The following MMP24 variants were observed in gnomAD, a reference collection of about 807,000 sequenced individuals.
The protein encoded by MMP24 is matrix metalloproteinase-24.
Under a neutral mutation model 62.8 loss-of-function variants are expected in MMP24, and 25 were observed. That is an observed-to-expected ratio of 0.40 (90% confidence interval 0.29 to 0.56). MMP24 has a LOEUF of 0.56. Ranked by LOEUF, MMP24 falls within the 20% of genes least tolerant of loss-of-function variation. The probability of loss-of-function intolerance (pLI) is 0.50; values close to 1 mark genes in which losing one functional copy is unlikely to be tolerated. For synonymous variants in MMP24, 319 were observed against 350.5 expected (o/e 0.91, Z 1.00); for missense variants, 634 against 853.6 (o/e 0.74, Z 3.21).
intron 1 of MMP24, among the ~76,000 whole-genome samples, chr20:35,230,786 T>C (rs955437495): frequency 1.3e-5 from 2 of 152,262 alleles, no homozygotes; most frequent in African/African-American, 4.8e-5. Flanking sequence ...TGATAGTAGA[T>C]GATTCGGAAC....
chr20:35,267,231 A>T lies in MMP24; in HGVS notation c.1006A>T (p.Thr336Ser). ...YGPPAEPLEP[T>S]RPLPTLPVRR... ...ACCCCCAGCCGAGCCTCTGGAGCCCACAAGGCCACTCCCTACACTCCCCGT... is the reference window on the plus strand; with the variant it reads ...ACCCCCAGCCGAGCCTCTGGAGCCCTCAAGGCCACTCCCTACACTCCCCGT... Residue 336 changes from threonine to serine, a missense_variant, in exon 6 of 9, where the codon ACA (threonine) becomes TCA (serine). Thr to Ser is a moderately conservative substitution (Grantham distance 58). Coordinates refer to ENST00000246186, the MANE Select transcript of MMP24 (RefSeq NM_006690.4). 6.2e-7 allele frequency: 1 copy of T among 1,602,586 alleles called. No homozygotes were observed. The highest frequency in any genetic ancestry group is 8.5e-7 in the Non-Finnish European group (1 of 1,175,174).
intron 1 of MMP24, among the ~76,000 whole-genome samples, chr20:35,238,854 T>C (rs558950534): frequency 6.6e-6 from 1 of 152,310 alleles, no homozygotes; most frequent in African/African-American, 2.4e-5. Flanking sequence ...GTTCTTCCAC[T>C]AGACCATAAC....
chr20:35,261,411 T>C (rs982816451), intron 4 of MMP24, among the ~76,000 whole-genome samples: 3 of 152,110 alleles, frequency 2.0e-5, no homozygotes, highest in Non-Finnish European at 4.4e-5. Flanking sequence ...CCCGGTGAGG[T>C]AGGTCTGATG....
chr20:35,267,723 G>A (rs75124668), intron 6 of MMP24, among the ~76,000 whole-genome samples: 3,063 of 152,270 alleles, frequency 0.02, 94 homozygotes, highest in African/African-American at 0.07. Flanking sequence ...TTCTCCATCC[G>A]AAACCTGGGG....
At chr20:35,270,782 G>A (rs1276734258) in intron 7 of MMP24, among the ~76,000 whole-genome samples, 9 of 152,192 alleles carry the variant, frequency 5.9e-5, no homozygotes, top group South Asian at 2.1e-4. Flanking sequence ...GCTCACGCCC[G>A]AAATCCCAGC....
intron 3 of MMP24, among the ~76,000 whole-genome samples, chr20:35,253,270 C>CTTTTTTTTTTTAT: frequency 1.3e-5 from 1 of 79,078 alleles, no homozygotes; most frequent in South Asian, 4.2e-4. Context: ...CAGAACGGGA[C>CTTTTTTTTTTTAT]TTTTTTTTTT....
At position 35,232,447 on chromosome 20, in the gene MMP24, G is replaced by A. The variant is rs141551262; in HGVS notation, c.246+5463G>A. 2.5e-3 allele frequency among the ~76,000 whole-genome samples: 379 copies of A among 152,264 alleles called. 1 individual carries two copies. Among genetic ancestry groups the A allele is most frequent in the African/African-American group, 8.8e-3 (367 of 41,552 alleles). On this transcript the variant is annotated intron_variant, in intron 1 of 8. Coordinates refer to ENST00000246186, the MANE Select transcript of MMP24 (RefSeq NM_006690.4). ...GAATAGTGCTTGGCACACAAAAGTC[G>A]CTACCTTTTGTGAAGAATAAATGAA...
rs2060652980 is a variant in MMP24 at position 35,269,037 on chromosome 20, A to AG, written c.1195-723_1195-722insG. ...GCGAGACTCCATCTAAAAAAAAAAA[A>AG]AAAGAAAGAAAACTGAGGCCTGGAG... On this transcript the variant is annotated intron_variant, in intron 6 of 8. Coordinates refer to ENST00000246186, the MANE Select transcript of MMP24 (RefSeq NM_006690.4). This position sits in a 1 kb window ranked among gnomAD's most constrained non-coding sequence, Gnocchi z 4.6. 6.6e-6 allele frequency among the ~76,000 whole-genome samples: 1 copy of AG among 151,790 alleles called. No individual in the cohort carries two copies. Among genetic ancestry groups the AG allele is most frequent in the African/African-American group, 2.4e-5 (1 of 41,302 alleles).
chr20:35,274,242 G>A lies in MMP24; in HGVS notation c.1601-30G>A, dbSNP rs1182155063. The A allele has an allele frequency of 6.4e-7, 1 of 1,569,190 alleles. No individual in the cohort carries two copies. The highest frequency in any genetic ancestry group is 8.6e-7 in the Non-Finnish European group (1 of 1,157,438). On this transcript the variant is annotated intron_variant, in intron 8 of 8. Coordinates refer to ENST00000246186, the MANE Select transcript of MMP24 (RefSeq NM_006690.4). The surrounding 1 kb of genome is among the most constrained non-coding windows in gnomAD (Gnocchi z 5.1). The stretch of plus-strand genomic sequence containing the variant: ...CAGAGCAGGTGCCGGAAGTGTCTGG[G>A]AGTGGTGATGCTGGGCTGTATTTCT...
intron 2 of MMP24, among the ~76,000 whole-genome samples, chr20:35,248,164 G>A (rs989285935): frequency 2.0e-5 from 3 of 152,030 alleles, no homozygotes; most frequent in African/African-American, 7.2e-5. Flanking sequence ...GTGGGGGGAG[G>A]AACAGGAAAT....
At chr20:35,229,577 G>A (rs1426262315) in intron 1 of MMP24, among the ~76,000 whole-genome samples, 3 of 152,096 alleles carry the variant, frequency 2.0e-5, no homozygotes, top group Non-Finnish European at 4.4e-5. Flanking sequence ...CTGAACACTA[G>A]GGGATCACTT....
rs747780783 is a variant in MMP24 at position 35,274,555 on chromosome 20, G to A, written c.1884G>A (p.Lys628=). 2 of 1,614,016 alleles carry A rather than the reference G, an allele frequency of 1.2e-6. No individual in the cohort carries two copies. Among genetic ancestry groups the A allele is most frequent in the Non-Finnish European group, 1.7e-6 (2 of 1,179,882 alleles). The stretch of plus-strand genomic sequence containing the variant: ...ACACCATCTTCCAGTTCAAGAACAA[G>A]ACAGGCCCTCAGCCTGTCACCTACT... The part of the protein sequence containing the change: ...LVYTIFQFKN[K]TGPQPVTYYK... Residue 628 remains lysine (K), a synonymous_variant, in exon 9 of 9, where the codon AAG becomes AAA. Transcript: ENST00000246186. The surrounding 1 kb of genome is among the most constrained non-coding windows in gnomAD (Gnocchi z 5.1).
intron 5 of MMP24, 116 bp downstream of exon 5, chr20:35,264,068 G>C (rs2060618915): frequency 1.7e-6 from 2 of 1,158,864 alleles, no homozygotes. Context: ...CACTGCTGCT[G>C]TTTCTCTGTG....
At chr20:35,251,828 G>A in intron 2 of MMP24, 77 bp from the exon 3 acceptor site, 1 of 1,179,858 alleles carries the variant, frequency 8.5e-7, no homozygotes, top group South Asian at 1.2e-5. Flanking sequence ...ACTGGAGCTG[G>A]GGAATAGGCA....
intron 3 of MMP24, among the ~76,000 whole-genome samples, chr20:35,252,612 C>T (rs1175210615): frequency 6.6e-6 from 1 of 152,226 alleles, no homozygotes; most frequent in Non-Finnish European, 1.5e-5. Flanking sequence ...GTATAAAGAA[C>T]TGGGACCTGA....
chr20:35,271,004 C>T lies in MMP24; in HGVS notation c.1334-565C>T, dbSNP rs1336916435. 6.6e-6 allele frequency among the ~76,000 whole-genome samples: 1 copy of T among 152,142 alleles called. No individual in the cohort carries two copies. Among genetic ancestry groups the T allele is most frequent in the Non-Finnish European group, 1.5e-5 (1 of 68,008 alleles). On this transcript the variant is annotated intron_variant, in intron 7 of 8. Transcript: ENST00000246186. The surrounding 1 kb of genome is among the most constrained non-coding windows in gnomAD (Gnocchi z 4.0). Reference sequence around the variant, plus strand: ...GTGGTGAGCTGAGATCACACCATTGCACTCCAGCCTGGGCAACAAGAGCCA... The same window carrying T: ...GTGGTGAGCTGAGATCACACCATTGTACTCCAGCCTGGGCAACAAGAGCCA...
chr20:35,239,711 C>T (rs2060480022), intron 1 of MMP24, among the ~76,000 whole-genome samples: 1 of 152,152 alleles, frequency 6.6e-6, no homozygotes, highest in African/African-American at 2.4e-5. Context: ...CCTGTAGTCC[C>T]AGCTACTCAG....
At chr20:35,248,941 G>T (rs908844119) in intron 2 of MMP24, among the ~76,000 whole-genome samples, 1 of 152,184 alleles carries the variant, frequency 6.6e-6, no homozygotes, top group Non-Finnish European at 1.5e-5. Flanking sequence ...AAAGCCCCAG[G>T]CCTGTTGGAT....
intron 8 of MMP24, among the ~76,000 whole-genome samples, chr20:35,273,733 G>A (rs1368794168): frequency 2.0e-5 from 3 of 152,198 alleles, no homozygotes; most frequent in African/African-American, 4.8e-5. Context: ...TGCCCAGGGA[G>A]TGATTGGCAG....
Sources: gnomAD v4.1 joint callset for allele counts (sites outside exome capture counted in the v4.1 genomes callset) on GRCh38, gnomAD v4.1.1 for gene constraint, Gnocchi (gnomAD v3.1) non-coding constraint, MANE v1.5 for transcripts, NCBI Gene and HGNC (gene_info 2026-07-23, HGNC 2026-07-21) for gene names.